FDCSP: variants seen among roughly 807,000 people sequenced by gnomAD.
FDCSP encodes follicular dendritic cell secreted peptide.
In FDCSP, 8 loss-of-function variants were observed where a neutral mutation model predicts 8.9. The ratio of observed to expected loss-of-function variants is 0.90; its 90% CI spans 0.53 to 1.63. FDCSP has a LOEUF of 1.63. Ranked by LOEUF, FDCSP falls within the 40% of genes most tolerant of loss-of-function variation. The pLI is 0.00. For synonymous variants in FDCSP, 34 were observed against 34.5 expected, an observed-to-expected ratio of 0.98 and a Z score of 0.06; for missense variants, 101 against 103.6, an observed-to-expected ratio of 0.98 and a Z score of 0.11.
Position 70,231,247 on chromosome 4 carries a change from T to C in FDCSP, c.53T>C (p.Phe18Ser). The C allele has an allele frequency of 6.2e-7, 1 of 1,604,808 alleles. No individual in the cohort carries two copies. Among genetic ancestry groups the C allele is most frequent in the Non-Finnish European group, 8.5e-7 (1 of 1,174,786 alleles). ...ITAILAVAVG[F>S]PVSQDQEREK... ...GCCATCTTGGCAGTGGCTGTTGGTT[T>C]CCCAGTAAGTATCCACGTATACATT... is the stretch of plus-strand genomic sequence containing the variant. Residue 18 changes from phenylalanine (F) to serine (S), a missense_variant, in exon 2 of 5, where the codon TTC (phenylalanine) becomes TCC (serine). Transcript: ENST00000317987.
intron 2 of FDCSP, among the ~76,000 whole-genome samples, chr4:70,231,542 T>C (rs1730083419): frequency 6.6e-6 from 1 of 151,670 alleles, no homozygotes; most frequent in Non-Finnish European, 1.5e-5. Context: ...CATAGGGCAA[T>C]GCATTAGTCA....
At chr4:70,226,626 C>T (rs1578246829) in intron 1 of FDCSP, among the ~76,000 whole-genome samples, 1 of 152,038 alleles carries the variant, frequency 6.6e-6, no homozygotes, top group Middle Eastern at 3.4e-3. Flanking sequence ...ATATACAGTA[C>T]TTACATTCCA....
At chr4:70,232,912 A>C in intron 2 of FDCSP, 82 bp from the exon 3 acceptor site, 1 of 1,098,394 alleles carries the variant, frequency 9.1e-7, no homozygotes, top group East Asian at 2.6e-5. Flanking sequence ...ATATTAGGTA[A>C]TAGATTGTCA....
At position 70,234,224 on chromosome 4, in the gene FDCSP, ACATAGTTACAAT is replaced by A; in HGVS notation, c.*28+17_*28+28del. The A allele has an allele frequency of 6.5e-7, 1 of 1,542,792 alleles. No homozygotes were observed. Among genetic ancestry groups the A allele is most frequent in the Non-Finnish European group, 8.8e-7 (1 of 1,140,320 alleles). On this transcript the variant is annotated intron_variant, in intron 4 of 4. Transcript: ENST00000317987. ...AAGTCACGATAAACCTGGTAAGTAC[ACATAGTTACAAT>A]CATAGTTTATTTTAAGTTTGCAGAT...
At chr4:70,227,085 T>C (rs942871071) in intron 1 of FDCSP, among the ~76,000 whole-genome samples, 2 of 151,900 alleles carry the variant, frequency 1.3e-5, no homozygotes, top group Admixed American at 6.6e-5. Context: ...GAAATATCTG[T>C]ATCCATCTTC....
chr4:70,226,970 C>A (rs1560491275), intron 1 of FDCSP, among the ~76,000 whole-genome samples: 1 of 151,806 alleles, frequency 6.6e-6, no homozygotes. Context: ...GAATTCTATT[C>A]TCTCCAAAAC....
chr4:70,226,551 G>T (rs1000097984), intron 1 of FDCSP, among the ~76,000 whole-genome samples: 2 of 151,718 alleles, frequency 1.3e-5, no homozygotes, highest in Non-Finnish European at 2.9e-5. Context: ...AATACGCCCC[G>T]CCAGAGATTC....
chr4:70,233,244 T>C (rs750856299), intron 3 of FDCSP, among the ~76,000 whole-genome samples: 1 of 151,722 alleles, frequency 6.6e-6, no homozygotes, highest in Non-Finnish European at 1.5e-5. Context: ...AAAAATTGGA[T>C]TGAAATCCGA....
intron 1 of FDCSP, among the ~76,000 whole-genome samples, chr4:70,226,545 C>T (rs566446172): frequency 1.1e-4 from 16 of 151,888 alleles, no homozygotes; most frequent in South Asian, 2.1e-4. Context: ...AGAGGGAATA[C>T]GCCCCGCCAG....
At position 70,226,817 on chromosome 4, in the gene FDCSP, A is replaced by C. The variant is rs1357753104; in HGVS notation, c.-1+635A>C. Among the ~76,000 whole-genome samples, 3 of 149,274 alleles carry C rather than the reference A, an allele frequency of 2.0e-5. No homozygotes were observed. The East Asian group carries it at 6.2e-4, about 31-fold the overall frequency. On this transcript the variant is annotated intron_variant, in intron 1 of 4. Transcript: ENST00000317987. The stretch of plus-strand genomic sequence containing the variant: ...TTGATAAGTATAAAAATAAAAGGAG[A>C]TAGCTGGTAATTATGCTGTGTCCTG...
chr4:70,232,432 C>A (rs538252664), intron 2 of FDCSP, among the ~76,000 whole-genome samples: 10 of 151,704 alleles, frequency 6.6e-5, no homozygotes, highest in African/African-American at 2.2e-4. Context: ...TAGTAATATG[C>A]CATACAGTTT....
chr4:70,233,941 T>G (rs1045398811), intron 3 of FDCSP, 79 bp from the exon 4 acceptor site: 1 of 1,368,214 alleles, frequency 7.3e-7, no homozygotes, highest in Admixed American at 2.3e-5. Context: ...TAAAGGCCCA[T>G]TATTTAAAAA....
Position 70,231,181 on chromosome 4 carries a change from A to G in FDCSP, c.1-14A>G. ...TGAAAGTTCTTCTTATTTTTTATTT[A>G]CTCCATTTTGCAGATGAAGAAAGTT... On this transcript the variant is annotated splice_polypyrimidine_tract_variant and intron_variant, in intron 1 of 4. Transcript: ENST00000317987. 1.3e-6 allele frequency: 2 copies of G among 1,582,190 alleles called. No homozygotes were observed. Among genetic ancestry groups the G allele is most frequent in the South Asian group, 2.3e-5 (2 of 86,158 alleles).
At chr4:70,231,358 A>T in intron 2 of FDCSP, 107 bp downstream of exon 2, 1 of 861,384 alleles carries the variant, frequency 1.2e-6, no homozygotes, top group Non-Finnish European at 1.8e-6. Context: ...AGATTATAAC[A>T]GAGCTACCAA....
At position 70,234,198 on chromosome 4, in the gene FDCSP, A is replaced by G. The variant is rs1362096967; in HGVS notation, c.*11A>G. 6.2e-7 allele frequency: 1 copy of G among 1,607,368 alleles called. No individual in the cohort carries two copies. Among genetic ancestry groups the G allele is most frequent in the East Asian group, 2.2e-5 (1 of 44,636 alleles). On this transcript the variant is annotated 3_prime_UTR_variant, in exon 4 of 5. Coordinates refer to ENST00000317987, the MANE Select transcript of FDCSP (RefSeq NM_152997.4). Reference sequence around the variant, plus strand: ...CCTAGCGAAAAGTAAACAAGAAGGAAAAGTCACGATAAACCTGGTAAGTAC... The same window carrying G: ...CCTAGCGAAAAGTAAACAAGAAGGAGAAGTCACGATAAACCTGGTAAGTAC...
Position 70,230,537 on chromosome 4 carries a change from G to GA in FDCSP, c.1-655dup, listed in dbSNP as rs149724638. 7.4e-3 allele frequency among the ~76,000 whole-genome samples: 1,115 copies of GA among 151,698 alleles called. 13 individuals carry two copies. The highest frequency in any genetic ancestry group is 0.025 in the African/African-American group (1,051 of 41,448). On this transcript the variant is annotated intron_variant, in intron 1 of 4. Coordinates refer to ENST00000317987, the MANE Select transcript of FDCSP (RefSeq NM_152997.4). Reference sequence around the variant, plus strand: ...AATTAAAATACAATAAAATGCTTTGGAAAGTCCTTTATCATTTATTAAATA... The same window carrying GA: ...AATTAAAATACAATAAAATGCTTTGGAAAAGTCCTTTATCATTTATTAAATA...
intron 2 of FDCSP, 30 bp downstream of exon 2, chr4:70,231,281 T>G (rs757475797): frequency 6.5e-7 from 1 of 1,537,898 alleles, no homozygotes; most frequent in East Asian, 2.3e-5. Context: ...TTCCAAAATA[T>G]TTATGTATGG....
At chr4:70,234,860 G>A (rs994036497) in intron 4 of FDCSP, among the ~76,000 whole-genome samples, 4 of 150,526 alleles carry the variant, frequency 2.7e-5, no homozygotes, top group African/African-American at 7.3e-5. Flanking sequence ...TCTTATCTAA[G>A]ATTAAATTAG....
chr4:70,235,233 G>A lies in FDCSP; in HGVS notation c.*177G>A, dbSNP rs1170972167. The stretch of plus-strand genomic sequence containing the variant: ...TAATAAACTTGAAAGCAAAGATTTT[G>A]GTTTCTTAATTTCCACAAATTCCAT... On this transcript the variant is annotated 3_prime_UTR_variant, in exon 5 of 5. Transcript: ENST00000317987. 1.3e-5 allele frequency: 2 copies of A among 151,656 alleles called. No homozygotes were observed. The highest frequency in any genetic ancestry group is 4.8e-5 in the African/African-American group (2 of 41,352). The allele number at this position is 151,656 out of a possible 1,614,324, so 9.4% of individuals were successfully genotyped here. A position where few individuals can be genotyped will look rare whatever the true frequency, so the allele number is the denominator to read the frequency against.
Sources: gnomAD v4.1 joint callset for allele counts (sites outside exome capture counted in the v4.1 genomes callset) on GRCh38, gnomAD v4.1.1 for gene constraint, MANE v1.5 for transcripts, NCBI Gene and HGNC (gene_info 2026-07-23, HGNC 2026-07-21) for gene names.